LAMP1: variants seen among roughly 807,000 people sequenced by gnomAD.
The protein encoded by LAMP1 is lysosome-associated membrane glycoprotein 1.
Under a neutral mutation model 37.5 loss-of-function variants are expected in LAMP1, and 7 were observed. That is an observed-to-expected ratio of 0.19 (90% confidence interval 0.11 to 0.35). LAMP1 has a LOEUF of 0.35. Among genes scored for constraint, LAMP1 ranks in the 10% least tolerant of loss-of-function variants. The pLI is 1.00. For missense variants in LAMP1, 537 were observed against 552.8 expected (o/e 0.97, Z 0.29); for synonymous variants, 236 against 229.1 (o/e 1.03, Z -0.27).
At chr13:113,310,234 T>TA (rs1203686294) in intron 3 of LAMP1, among the ~76,000 whole-genome samples, 1 of 139,822 alleles carries the variant, frequency 7.2e-6, no homozygotes, top group Non-Finnish European at 1.5e-5. Flanking sequence ...CTCTAAAAAA[T>TA]AAAAAACACA....
At chr13:113,313,119 G>A (rs1047365429) in intron 4 of LAMP1, among the ~76,000 whole-genome samples, 3 of 152,126 alleles carry the variant, frequency 2.0e-5, no homozygotes, top group Admixed American at 6.5e-5. Context: ...TCCCCATGTC[G>A]CTCTGTGACC....
In LAMP1 at chr13:113,323,663, T is replaced by G. The variant is rs927153808; in HGVS notation, c.*1242T>G. 1.3e-5 allele frequency: 2 copies of G among 151,920 alleles called. No individual in the cohort carries two copies. Among genetic ancestry groups the G allele is most frequent in the African/African-American group, 4.8e-5 (2 of 41,314 alleles). The allele number at this position is 151,920 out of a possible 1,614,324, so 9.4% of individuals were successfully genotyped here. A position where few individuals can be genotyped will look rare whatever the true frequency, so the allele number is the denominator to read the frequency against. On this transcript the variant is annotated 3_prime_UTR_variant, in exon 9 of 9. Coordinates refer to ENST00000332556, the MANE Select transcript of LAMP1 (RefSeq NM_005561.4). The stretch of plus-strand genomic sequence containing the variant: ...TTTTAAATCATTAAAAAAATTACCT[T>G]TCATACAGATACCATGGAATACTAT...
At chr13:113,311,093 G>A (rs1300345906) in intron 4 of LAMP1, among the ~76,000 whole-genome samples, 1 of 152,084 alleles carries the variant, frequency 6.6e-6, no homozygotes, top group African/African-American at 2.4e-5. Flanking sequence ...ATATTGAAGT[G>A]AAATATCCCG....
At chr13:113,309,529 T>C in intron 2 of LAMP1, 114 bp from the exon 3 acceptor site, 2 of 767,012 alleles carry the variant, frequency 2.6e-6, no homozygotes, top group South Asian at 3.7e-5. Context: ...TCAGTAGTGA[T>C]ATCTTAGTTG....
chr13:113,311,015 C>G, intron 4 of LAMP1, 148 bp downstream of exon 4: 1 of 613,136 alleles, frequency 1.6e-6, no homozygotes, highest in South Asian at 2.1e-5. Context: ...GCAGAACGTT[C>G]TCATCCTTCT....
chr13:113,300,583 G>A (rs963886000), intron 1 of LAMP1, among the ~76,000 whole-genome samples: 12 of 151,826 alleles, frequency 7.9e-5, no homozygotes, highest in African/African-American at 2.9e-4. Flanking sequence ...GAGGCAGGCC[G>A]ATCACTAGGT....
At chr13:113,310,385 G>T (rs1409154550) in intron 3 of LAMP1, among the ~76,000 whole-genome samples, 4 of 151,980 alleles carry the variant, frequency 2.6e-5, no homozygotes, top group Non-Finnish European at 5.9e-5. Context: ...AATTAGCTGG[G>T]CGTGGTGGCG....
At chr13:113,298,525 C>G (rs533859258) in intron 1 of LAMP1, among the ~76,000 whole-genome samples, 62 of 152,064 alleles carry the variant, frequency 4.1e-4, no homozygotes, top group African/African-American at 1.4e-3. Context: ...GAAATACACT[C>G]CTGTACACAT....
chr13:113,301,636 AAAAAAAAAATATATATATATATATAT>A lies in LAMP1; in HGVS notation c.61+4143_61+4168del, dbSNP rs1193618992. Among the ~76,000 whole-genome samples the A allele has an allele frequency of 7.2e-3, 179 of 24,776 alleles. 8 individuals are homozygous for A. Among genetic ancestry groups the A allele is most frequent in the African/African-American group, 0.017 (154 of 9,146 alleles). 16.3% of individuals were successfully genotyped at this position (24,776 alleles called of 152,430 possible). A position where few individuals can be genotyped will look rare whatever the true frequency, so the allele number is the denominator to read the frequency against. ...AGACTCTGTTTCCATTTAAAAAAAA[AAAAAAAAAATATATATATATATATAT>A]ATATATATATATATATATATATATA... On this transcript the variant is annotated intron_variant, in intron 1 of 8. Transcript: ENST00000332556.
At chr13:113,322,234 A>G in intron 8 of LAMP1, 48 bp from the exon 9 acceptor site, 1 of 1,562,630 alleles carries the variant, frequency 6.4e-7, no homozygotes, top group South Asian at 1.2e-5. Context: ...GCCTGTTTGC[A>G]GGCCCCTGTG....
rs368051812 is a variant in LAMP1 at position 113,321,372 on chromosome 13, C to T, written c.877-32C>T. On this transcript the variant is annotated intron_variant, in intron 6 of 8. Coordinates refer to ENST00000332556, the MANE Select transcript of LAMP1 (RefSeq NM_005561.4). This position sits in a 1 kb window ranked among gnomAD's most constrained non-coding sequence, Gnocchi z 5.6. ...TAAAGATCATCTTTCTATGAATCTG[C>T]TCCGTGATTAAAGATCATTTTTCTT... is the stretch of plus-strand genomic sequence containing the variant. The T allele has an allele frequency of 3.2e-6, 5 of 1,545,378 alleles. No homozygotes were observed. The South Asian group carries it at 4.5e-5, about 14-fold the overall frequency.
chr13:113,320,901 T>C lies in LAMP1; in HGVS notation c.876+431T>C. 4.7e-6 allele frequency: 1 copy of C among 210,966 alleles called. No homozygotes were observed. The highest frequency in any genetic ancestry group is 9.6e-6 in the Non-Finnish European group (1 of 103,694). The allele number at this position is 210,966 out of a possible 1,614,324, so 13.1% of individuals were successfully genotyped here. On this transcript the variant is annotated intron_variant, in intron 6 of 8. Coordinates refer to ENST00000332556, the MANE Select transcript of LAMP1 (RefSeq NM_005561.4). The surrounding 1 kb of genome is among the most constrained non-coding windows in gnomAD (Gnocchi z 4.4). Reference sequence around the variant, plus strand: ...GTTCAGTTTCTTATAATTTTAGCTTTCCAAATCATGCTTTCCTGTGCTGTG... The same window carrying C: ...GTTCAGTTTCTTATAATTTTAGCTTCCCAAATCATGCTTTCCTGTGCTGTG...
chr13:113,323,202 A>G lies in LAMP1; in HGVS notation c.*781A>G, dbSNP rs1256669034. ...TGGGCGTCTCTAATGTCTGCAGCTC[A>G]AGGGCTGGCACTTTTTTAAATATAA... On this transcript the variant is annotated 3_prime_UTR_variant, in exon 9 of 9. Coordinates refer to ENST00000332556, the MANE Select transcript of LAMP1 (RefSeq NM_005561.4). 3 of 152,118 alleles carry G rather than the reference A, an allele frequency of 2.0e-5. No individual in the cohort carries two copies. The highest frequency in any genetic ancestry group is 7.2e-5 in the African/African-American group (3 of 41,390). 9.4% of individuals were successfully genotyped at this position (152,118 alleles called of 1,614,324 possible).
At position 113,297,653 on chromosome 13, in the gene LAMP1, C is replaced by T. The variant is rs1189890747; in HGVS notation, c.61+158C>T. 1.3e-5 allele frequency among the ~76,000 whole-genome samples: 2 copies of T among 152,184 alleles called. No homozygotes were observed. The highest frequency in any genetic ancestry group is 2.9e-5 in the Non-Finnish European group (2 of 68,034). ...GCTCTGCCCGCGGGCGGGTGTTTCT[C>T]TCGGGGTCGTAGGGTCGGAGCGGAG... is the stretch of plus-strand genomic sequence containing the variant. On this transcript the variant is annotated intron_variant, in intron 1 of 8. Coordinates refer to ENST00000332556, the MANE Select transcript of LAMP1 (RefSeq NM_005561.4). The surrounding 1 kb of genome is among the most constrained non-coding windows in gnomAD (Gnocchi z 4.4).
chr13:113,311,168 G>T (rs1280002817), intron 4 of LAMP1, among the ~76,000 whole-genome samples: 1 of 152,090 alleles, frequency 6.6e-6, no homozygotes, highest in African/African-American at 2.4e-5. Context: ...GCGGGGGGCG[G>T]GTAGAGAGAG....
At chr13:113,307,957 CAAAAAAA>C (rs56212251) in intron 2 of LAMP1, among the ~76,000 whole-genome samples, 19 of 59,902 alleles carry the variant, frequency 3.2e-4, no homozygotes, top group South Asian at 1.6e-3. Context: ...AGACCATCTC[CAAAAAAA>C]AAAAAAAAAA....
intron 1 of LAMP1, among the ~76,000 whole-genome samples, chr13:113,300,072 C>A (rs1477335572): frequency 6.6e-6 from 1 of 152,172 alleles, no homozygotes; most frequent in Non-Finnish European, 1.5e-5. Flanking sequence ...TGAAACTTGT[C>A]CTGATAGATA....
chr13:113,316,008 CAGG>C (rs2042661806), intron 4 of LAMP1, among the ~76,000 whole-genome samples: 1 of 151,766 alleles, frequency 6.6e-6, no homozygotes, highest in East Asian at 1.9e-4. Context: ...GAGGCTGAGG[CAGG>C]AGAATTGCTT....
chr13:113,308,912 T>A (rs1260924772), intron 2 of LAMP1, among the ~76,000 whole-genome samples: 1 of 152,188 alleles, frequency 6.6e-6, no homozygotes, highest in Non-Finnish European at 1.5e-5. Context: ...TAGTAGTAAA[T>A]TTAAACATTT....
Sources: allele counts gnomAD v4.1 joint callset (sites outside exome capture counted in the v4.1 genomes callset), GRCh38; gene constraint gnomAD v4.1.1; non-coding constraint Gnocchi (gnomAD v3.1); transcripts MANE v1.5; gene names NCBI Gene and HGNC (gene_info 2026-07-23, HGNC 2026-07-21).